The following SGIP1 variants were observed in gnomAD, a reference collection of about 807,000 sequenced individuals.
SGIP1 encodes SH3GL interacting endocytic adaptor 1, also known as SH3-containing GRB2-like protein 3-interacting protein 1.
Under a neutral mutation model 107.5 loss-of-function variants are expected in SGIP1, and 38 were observed. That is an observed-to-expected ratio of 0.35 (90% CI 0.27 to 0.46). The LOEUF is 0.46. Ranked by LOEUF, SGIP1 falls within the 20% of genes least tolerant of loss-of-function variation. The pLI, the probability that SGIP1 is intolerant of heterozygous loss-of-function variation, is 1.00. For synonymous variants in SGIP1, 365 were observed against 366.1 expected (o/e 1.00, Z 0.03); for missense variants, 929 against 1,019.5 (o/e 0.91, Z 1.21).
chr1:66,544,189 T>C (rs1053015151), intron 1 of SGIP1, among the ~76,000 whole-genome samples: 1 of 152,184 alleles, frequency 6.6e-6, no homozygotes, highest in Non-Finnish European at 1.5e-5. Context: ...TTATTCTCAA[T>C]GTCCATGTGC....
chr1:66,675,046 TATCA>T (rs1382399735), intron 12 of SGIP1, among the ~76,000 whole-genome samples: 18 of 152,224 alleles, frequency 1.2e-4, no homozygotes, highest in African/African-American at 3.9e-4. Context: ...GCAGTGAGGC[TATCA>T]GTTTCCTTAT....
At chr1:66,742,404 C>A (rs934781783) in intron 24 of SGIP1, among the ~76,000 whole-genome samples, 1 of 148,776 alleles carries the variant, frequency 6.7e-6, no homozygotes, top group Non-Finnish European at 1.5e-5. Flanking sequence ...TTAATTATAC[C>A]CTTTTCGCTC....
intron 1 of SGIP1, among the ~76,000 whole-genome samples, chr1:66,605,799 A>G (rs577873684): frequency 6.6e-6 from 1 of 152,260 alleles, no homozygotes; most frequent in Non-Finnish European, 1.5e-5. Context: ...ATTGCTCAAT[A>G]CCACTGATTA....
rs71058468 is a variant in SGIP1, at chr1:66,631,681, TTCTCTCTCTCTCTCTCTCTCTCTC to T, written c.75-1365_75-1342del. Among the ~76,000 whole-genome samples the T allele has an allele frequency of 7.6e-4, 100 of 132,228 alleles. 1 individual carries two copies. The highest frequency in any genetic ancestry group is 1.2e-3 in the East Asian group (6 of 4,846). 86.7% of individuals were successfully genotyped at this position (132,228 alleles called of 152,430 possible). On this transcript the variant is annotated intron_variant, in intron 2 of 24. Transcript: ENST00000371037. ...TCTCTCTCTCTTTCTCTCTCTCTCT[TTCTCTCTCTCTCTCTCTCTCTCTC>T]TCTCTCTCTCTCTCTCTCTCTCTTC...
At chr1:66,737,365 C>T (rs1195516949) in intron 21 of SGIP1, among the ~76,000 whole-genome samples, 2 of 152,060 alleles carry the variant, frequency 1.3e-5, no homozygotes, top group African/African-American at 4.8e-5. Flanking sequence ...TTAGAATTCA[C>T]CTATTGCAGT....
chr1:66,642,899 T>A, intron 6 of SGIP1, 35 bp downstream of exon 6: 1 of 1,539,944 alleles, frequency 6.5e-7, no homozygotes, highest in Non-Finnish European at 8.9e-7. Context: ...TTAATTTTCA[T>A]TCACTCTCAG....
chr1:66,677,138 A>G (rs1257656778), intron 13 of SGIP1, 42 bp downstream of exon 13: 2 of 1,496,764 alleles, frequency 1.3e-6, no homozygotes, highest in Non-Finnish European at 1.9e-6. Flanking sequence ...TAAGTGACTC[A>G]TTTTAGTGTC....
rs1402366876 is a variant in SGIP1, at chr1:66,674,078, G to A, written c.646+712G>A. On this transcript the variant is annotated intron_variant, in intron 12 of 24. Coordinates refer to ENST00000371037, the MANE Select transcript of SGIP1 (RefSeq NM_032291.4). ...AGCTGCTCGGGAGGCTGAGGTGGGA[G>A]GTTCACTTAAGCCCAGGAAGTCAAG... Among the ~76,000 whole-genome samples the A allele has an allele frequency of 2.6e-5, 4 of 152,022 alleles. No homozygotes were observed. In the East Asian group the frequency reaches 7.7e-4, roughly 29 times the overall value.
At position 66,589,192 on chromosome 1, in the gene SGIP1, A is replaced by G. The variant is rs1221013742; in HGVS notation, c.11-36655A>G. Among the ~76,000 whole-genome samples, 42 of 71,252 alleles carry G rather than the reference A, an allele frequency of 5.9e-4. 2 individuals are homozygous for G. The highest frequency in any genetic ancestry group is 5.5e-3 in the East Asian group (6 of 1,098). 46.7% of individuals were successfully genotyped at this position (71,252 alleles called of 152,430 possible). A position where few individuals can be genotyped will look rare whatever the true frequency, so the allele number is the denominator to read the frequency against. ...TATATATATATATATATATATATAT[A>G]TATATATATATATATATATATATAT... On this transcript the variant is annotated intron_variant, in intron 1 of 24. Coordinates refer to ENST00000371037, the MANE Select transcript of SGIP1 (RefSeq NM_032291.4).
At position 66,625,872 on chromosome 1, in the gene SGIP1, C is replaced by A. The variant is rs773837955; in HGVS notation, c.36C>A (p.Ala12=). The change falls in exon 2 of 25, where the codon GCC becomes GCA. Residue 12 remains alanine (A), a synonymous_variant. Coordinates refer to ENST00000371037, the MANE Select transcript of SGIP1 (RefSeq NM_032291.4). ...MEGLKKRTRK[A]FGIRKKEKDT... Reference sequence around the variant, plus strand: ...GATTGAAAAAACGTACAAGGAAGGCCTTTGGAATACGGAAGAAAGAAAAGG... The same window carrying A: ...GATTGAAAAAACGTACAAGGAAGGCATTTGGAATACGGAAGAAAGAAAAGG... The A allele has an allele frequency of 4.2e-5, 67 of 1,612,174 alleles. No homozygotes were observed. In the Middle Eastern group the frequency reaches 1.6e-3, roughly 40 times the overall value.
rs779670295 is a variant in SGIP1 at position 66,750,033 on chromosome 1, GGGGGTGT to G, written c.*6940_*6946del. Among the ~76,000 whole-genome samples the G allele has an allele frequency of 1.2e-5, 1 of 81,534 alleles. No individual in the cohort carries two copies. The highest frequency in any genetic ancestry group is 4.2e-5 in the African/African-American group (1 of 23,584). 53.5% of individuals were successfully genotyped at this position (81,534 alleles called of 152,430 possible). Reference sequence around the variant, plus strand: ...TCTCTCTCTTTCTCTGTGTGTGTGTGGGGGTGTGTGTGTGTGTGTGTGTGTGTGTGTG... The same window carrying G: ...TCTCTCTCTTTCTCTGTGTGTGTGTGGTGTGTGTGTGTGTGTGTGTGTGTG... On this transcript the variant is annotated 3_prime_UTR_variant, in exon 25 of 25. Coordinates refer to ENST00000371037, the MANE Select transcript of SGIP1 (RefSeq NM_032291.4).
chr1:66,591,090 A>G lies in SGIP1; in HGVS notation c.11-34757A>G, dbSNP rs541903513. On this transcript the variant is annotated intron_variant, in intron 1 of 24. Transcript: ENST00000371037. ...AGTAAACTTGACATCGTCTGTGTTC[A>G]TTGACTTTTCTGTACAGTTGAGCAC... Among the ~76,000 whole-genome samples the G allele has an allele frequency of 7.9e-5, 12 of 152,288 alleles. No homozygotes were observed. In the South Asian group the frequency reaches 2.1e-3, roughly 26 times the overall value.
intron 1 of SGIP1, among the ~76,000 whole-genome samples, chr1:66,552,062 G>A (rs1044499949): frequency 3.3e-5 from 5 of 152,096 alleles, no homozygotes; most frequent in Admixed American, 6.6e-5. Flanking sequence ...TCCCATGCAC[G>A]GCTAGGGAGT....
At chr1:66,637,631 C>A (rs997598589) in intron 4 of SGIP1, among the ~76,000 whole-genome samples, 1 of 151,608 alleles carries the variant, frequency 6.6e-6, no homozygotes, top group African/African-American at 2.4e-5. Context: ...GGTTTTCATG[C>A]AAACTGGGAA....
intron 1 of SGIP1, chr1:66,590,440 TATTTTAC>T (rs1271186924): frequency 2.0e-5 from 3 of 152,202 alleles, no homozygotes; most frequent in Non-Finnish European, 4.4e-5. Flanking sequence ...GAATTTATTT[TATTTTAC>T]TTTTTATTTT....
At chr1:66,574,323 T>C (rs551630481) in intron 1 of SGIP1, among the ~76,000 whole-genome samples, 9 of 152,196 alleles carry the variant, frequency 5.9e-5, no homozygotes, top group South Asian at 2.1e-4. Flanking sequence ...AAAAGTGACT[T>C]AATTGTGTAT....
chr1:66,721,450 C>A (rs492109), intron 19 of SGIP1, among the ~76,000 whole-genome samples: 57,009 of 151,862 alleles, frequency 0.38, 11,460 homozygotes, highest in Non-Finnish European at 0.44. Flanking sequence ...ACTTTTTTGC[C>A]CAGGCTGAAG....
At chr1:66,716,507 C>A (rs749162312) in intron 18 of SGIP1, among the ~76,000 whole-genome samples, 1 of 152,004 alleles carries the variant, frequency 6.6e-6, no homozygotes, top group Non-Finnish European at 1.5e-5. Flanking sequence ...TTAAATGATG[C>A]ACCACACTTT....
In SGIP1 at chr1:66,729,193, C is replaced by T. The variant is rs561393277; in HGVS notation, c.1743-71C>T. On this transcript the variant is annotated intron_variant, in intron 19 of 24. Transcript: ENST00000371037. ...TAACATTGCCTCATAAATTGTTTTT[C>T]ACAGCAGTTTTGATTCAGTGTATTG... is the stretch of plus-strand genomic sequence containing the variant. The T allele has an allele frequency of 1.1e-4, 174 of 1,552,960 alleles. 3 individuals carry two copies. In the South Asian group the frequency reaches 1.3e-3, roughly 12 times the overall value.
Sources: gnomAD v4.1 joint callset for allele counts (sites outside exome capture counted in the v4.1 genomes callset) on GRCh38, gnomAD v4.1.1 for gene constraint, MANE v1.5 for transcripts, NCBI Gene and HGNC (gene_info 2026-07-23, HGNC 2026-07-21) for gene names.